The following LGALS2 variants were observed in gnomAD, a reference collection of about 807,000 sequenced individuals.
The protein encoded by LGALS2 is galectin-2.
A neutral mutation model predicts 10.1 loss-of-function variants in LGALS2; 7 were observed. That is an observed-to-expected ratio of 0.70 (90% confidence interval 0.40 to 1.31). LGALS2 has a LOEUF of 1.31. Ranked by LOEUF, LGALS2 falls within the 50% of genes most tolerant of loss-of-function variation. The pLI is 0.01. For missense variants in LGALS2, 167 were observed against 163.6 expected (o/e 1.02, Z -0.11); for synonymous variants, 86 against 64.2 (o/e 1.34, Z -1.63).
At chr22:37,572,533 C>T (rs1217051034) in intron 1 of LGALS2, among the ~76,000 whole-genome samples, 3 of 151,762 alleles carry the variant, frequency 2.0e-5, no homozygotes, top group Non-Finnish European at 2.9e-5. Context: ...TTTGGGAGGC[C>T]GAGGCGGGCG....
In LGALS2 at chr22:37,571,843, GC is replaced by G; in HGVS notation, c.89+5del. The G allele has an allele frequency of 6.2e-7, 1 of 1,612,484 alleles. No individual in the cohort carries two copies. Among genetic ancestry groups the G allele is most frequent in the Non-Finnish European group, 8.5e-7 (1 of 1,178,606 alleles). ...CAGACTCCCCCAACCCTGAAACCTT[GC>G]TCACCCATCAGTGCCATCGGCGATG... On this transcript the variant is annotated splice_donor_5th_base_variant and intron_variant, in intron 2 of 3. Transcript: ENST00000215886.
chr22:37,572,769 A>AAATAATAATAATAATAATAATAAT (rs10633102), intron 1 of LGALS2, among the ~76,000 whole-genome samples: 8 of 136,406 alleles, frequency 5.9e-5, no homozygotes, highest in African/African-American at 2.2e-4. Flanking sequence ...TCCATCTCAA[A>AAATAATAATAATAATAATAATAAT]AATAATAATA....
At position 37,570,810 on chromosome 22, in the gene LGALS2, T is replaced by C. The variant is rs57051999; in HGVS notation, c.90-75A>G. ...AGCAGCTTGGGTTGGAGGACCTTGGTTGACCACAAGCTGGAAGAATCAAAG... is the reference window on the plus strand; with the variant it reads ...AGCAGCTTGGGTTGGAGGACCTTGGCTGACCACAAGCTGGAAGAATCAAAG... On this transcript the variant is annotated intron_variant, in intron 2 of 3. Transcript: ENST00000215886. 4.6e-3 allele frequency: 6,958 copies of C among 1,528,276 alleles called. 290 individuals carry two copies. The African/African-American group carries it at 0.085, about 19-fold the overall frequency. 94.7% of individuals were successfully genotyped at this position (1,528,276 alleles called of 1,614,324 possible).
chr22:37,570,903 G>A (rs565270461), intron 2 of LGALS2, among the ~76,000 whole-genome samples, 168 bp from the exon 3 acceptor site: 1 of 152,354 alleles, frequency 6.6e-6, no homozygotes, highest in South Asian at 2.1e-4. Context: ...TAGCACTGTG[G>A]TAGCACATTC....
intron 1 of LGALS2, 93 bp downstream of exon 1, chr22:37,579,807 G>T: frequency 7.4e-7 from 1 of 1,343,246 alleles, no homozygotes; most frequent in Non-Finnish European, 1.0e-6. Flanking sequence ...GAGGCCCAGA[G>T]AGGGACAGCA....
intron 2 of LGALS2, 67 bp from the exon 3 acceptor site, chr22:37,570,802 G>T: frequency 6.5e-7 from 1 of 1,535,468 alleles, no homozygotes; most frequent in Non-Finnish European, 9.0e-7. Flanking sequence ...TGGGTTGGAG[G>T]ACCTTGGTTG....
chr22:37,572,699 G>A (rs1000359445), intron 1 of LGALS2, among the ~76,000 whole-genome samples: 19 of 151,226 alleles, frequency 1.3e-4, no homozygotes, highest in African/African-American at 4.4e-4. Flanking sequence ...CCCGGGAGGC[G>A]GAGCTTGCAG....
At chr22:37,579,082 C>CAAA (rs199979836) in intron 1 of LGALS2, among the ~76,000 whole-genome samples, 2 of 124,738 alleles carry the variant, frequency 1.6e-5, no homozygotes. Context: ...AACTCCATCT[C>CAAA]AACAAAAAAA....
intron 2 of LGALS2, 66 bp from the exon 3 acceptor site, chr22:37,570,801 G>A: frequency 1.3e-6 from 2 of 1,582,320 alleles, no homozygotes; most frequent in Non-Finnish European, 1.7e-6. Flanking sequence ...TTGGGTTGGA[G>A]GACCTTGGTT....
In LGALS2 at chr22:37,580,057, G is replaced by A. The variant is rs1925804773; in HGVS notation, c.-152C>T. On this transcript the variant is annotated 5_prime_UTR_variant, in exon 1 of 4. Coordinates refer to ENST00000215886, the MANE Select transcript of LGALS2 (RefSeq NM_006498.3). ...TGCCCCTTCTACCTTGTGTCTCCCC[G>A]CCTGCATCTCCCAGTACCCAGCACA... 6.4e-6 allele frequency: 4 copies of A among 625,370 alleles called. No homozygotes were observed. The highest frequency in any genetic ancestry group is 2.7e-5 in the Admixed American group (1 of 36,854). 38.7% of individuals were successfully genotyped at this position (625,370 alleles called of 1,614,324 possible). A position where few individuals can be genotyped will look rare whatever the true frequency, so the allele number is the denominator to read the frequency against.
rs10633102 is a variant in LGALS2, at chr22:37,572,769, AAATAAT to A, written c.7-844_7-839del. Among the ~76,000 whole-genome samples, 707 of 136,398 alleles carry A rather than the reference AAATAAT, an allele frequency of 5.2e-3. 5 individuals carry two copies. Among genetic ancestry groups the A allele is most frequent in the African/African-American group, 0.015 (563 of 36,678 alleles). The allele number at this position is 136,398 out of a possible 152,430, so 89.5% of individuals were successfully genotyped here. A position where few individuals can be genotyped will look rare whatever the true frequency, so the allele number is the denominator to read the frequency against. ...GCGACAGAGCGAAACTCCATCTCAA[AAATAAT>A]AATAATAATAATAATAATAATAATA... is the stretch of plus-strand genomic sequence containing the variant. On this transcript the variant is annotated intron_variant, in intron 1 of 3. Coordinates refer to ENST00000215886, the MANE Select transcript of LGALS2 (RefSeq NM_006498.3).
At chr22:37,576,186 C>T (rs1311592242) in intron 1 of LGALS2, among the ~76,000 whole-genome samples, 1 of 152,108 alleles carries the variant, frequency 6.6e-6, no homozygotes, top group Non-Finnish European at 1.5e-5. Flanking sequence ...GGGGCGGTGG[C>T]TCACACCTGT....
chr22:37,570,658 A>T lies in LGALS2; in HGVS notation c.167T>A (p.Val56Asp), dbSNP rs762432554. 7.4e-6 allele frequency: 12 copies of T among 1,614,236 alleles called. No homozygotes were observed. The East Asian group carries it at 2.7e-4, about 36-fold the overall frequency. The change falls in exon 3 of 4, where the codon GTC becomes GAC. Residue 56 changes from valine (V) to aspartate (D), a missense_variant. Val to Asp is a radical substitution (Grantham distance 152). Transcript: ENST00000215886. ...GTTGCTGCCGTCCAATGAGTTGCAG[A>T]CAATGGTGGATTCGCTGAAGCGAGG... Reference protein sequence around the residue: ...FNPRFSESTIVCNSLDGSNWG... With the variant: ...FNPRFSESTIDCNSLDGSNWG...
At position 37,570,420 on chromosome 22, in the gene LGALS2, G is replaced by A. The variant is rs180690946; in HGVS notation, c.250-8C>T. 487 of 1,611,904 alleles carry A rather than the reference G, an allele frequency of 3.0e-4. 3 individuals are homozygous for A. The highest frequency in any genetic ancestry group is 8.8e-5 in the Non-Finnish European group (104 of 1,178,600). ...CTCAAAGGTCACTGTGAACTGTGGG[G>A]AGGGAGGGTGTCAAGGAGGCAGGAG... On this transcript the variant is annotated splice_region_variant and splice_polypyrimidine_tract_variant and intron_variant, in intron 3 of 3. Coordinates refer to ENST00000215886, the MANE Select transcript of LGALS2 (RefSeq NM_006498.3).
intron 3 of LGALS2, 80 bp from the exon 4 acceptor site, chr22:37,570,492 AG>A: frequency 6.2e-7 from 1 of 1,605,894 alleles, no homozygotes; most frequent in African/African-American, 1.3e-5. Context: ...AAACAAGGCC[AG>A]CACCTGTGTC....
chr22:37,579,792 A>T, intron 1 of LGALS2, 108 bp downstream of exon 1: 3 of 1,209,774 alleles, frequency 2.5e-6, no homozygotes, highest in Non-Finnish European at 3.5e-6. Context: ...ACAGATGGGG[A>T]AACTGAGGCC....
At chr22:37,579,726 G>A (rs372409234) in intron 1 of LGALS2, among the ~76,000 whole-genome samples, 174 bp downstream of exon 1, 6 of 152,184 alleles carry the variant, frequency 3.9e-5, no homozygotes, top group African/African-American at 2.4e-5. Flanking sequence ...GAGCCACCAC[G>A]CCTGGCCCAA....
In LGALS2 at chr22:37,570,565, T is replaced by C. The variant is rs200776692; in HGVS notation, c.249+11A>G. ...ACATCACCCCAGTGCCCTTTCCCCC[T>C]TTGACCTCACCTTGACCTCTGACCC... On this transcript the variant is annotated intron_variant, in intron 3 of 3. Transcript: ENST00000215886. 7 of 1,614,190 alleles carry C rather than the reference T, an allele frequency of 4.3e-6. 1 individual carries two copies. The Admixed American group carries it at 1.2e-4, about 27-fold the overall frequency.
chr22:37,579,145 G>A (rs1163339554), intron 1 of LGALS2, among the ~76,000 whole-genome samples: 1 of 149,252 alleles, frequency 6.7e-6, no homozygotes, highest in Non-Finnish European at 1.5e-5. Flanking sequence ...CTACTTGGGA[G>A]GCTGAGACCA....
Sources: allele counts gnomAD v4.1 joint callset (sites outside exome capture counted in the v4.1 genomes callset), GRCh38; gene constraint gnomAD v4.1.1; transcripts MANE v1.5; gene names NCBI Gene and HGNC (gene_info 2026-07-23, HGNC 2026-07-21).